Variants in LRRC69 observed in about 807,000 individuals in gnomAD.
LRRC69 encodes leucine-rich repeat-containing protein 69.
A neutral mutation model predicts 37.8 loss-of-function variants in LRRC69; 42 were observed. That is an observed-to-expected ratio of 1.11 (90% CI 0.87 to 1.44). The LOEUF (loss-of-function observed/expected upper bound fraction) is 1.44, where lower values mean the gene tolerates loss of function less well. Ranked by LOEUF, LRRC69 falls within the 40% of genes most tolerant of loss-of-function variation. The pLI is 0.00. For synonymous variants in LRRC69, 141 were observed against 143.1 expected (o/e 0.99, Z 0.11); for missense variants, 357 against 401.9 (o/e 0.89, Z 0.96).
At chr8:91,174,403 C>T (rs1318067740) in intron 5 of LRRC69, among the ~76,000 whole-genome samples, 4 of 152,124 alleles carry the variant, frequency 2.6e-5, no homozygotes, top group East Asian at 3.8e-4. Flanking sequence ...AAATTAAAGG[C>T]GCTATGCCTT....
intron 5 of LRRC69, among the ~76,000 whole-genome samples, chr8:91,151,549 G>C (rs917159581): frequency 1.3e-5 from 2 of 151,240 alleles, no homozygotes; most frequent in Non-Finnish European, 3.0e-5. Flanking sequence ...GTCATTGATG[G>C]GCATTTGGGT....
chr8:91,126,364 T>C (rs1813712743), intron 2 of LRRC69, among the ~76,000 whole-genome samples: 1 of 152,034 alleles, frequency 6.6e-6, no homozygotes, highest in African/African-American at 2.4e-5. Context: ...GGTTCATAAA[T>C]AAGTTGATTC....
At position 91,114,455 on chromosome 8, in the gene LRRC69, G is replaced by GTGTGTGTA. The variant is rs142337818; in HGVS notation, c.184-10037_184-10036insGTGTGTAT. ...AAAATGTTTGTGTATGTGTGTGTGT[G>GTGTGTGTA]TATATATATATGTATGTATGCACAT... On this transcript the variant is annotated intron_variant, in intron 1 of 7. Coordinates refer to ENST00000448384, the Ensembl canonical transcript of LRRC69. Among the ~76,000 whole-genome samples, 29 of 151,064 alleles carry GTGTGTGTA rather than the reference G, an allele frequency of 1.9e-4. 1 individual carries two copies. Among genetic ancestry groups the GTGTGTGTA allele is most frequent in the South Asian group, 6.2e-4 (3 of 4,810 alleles).
intron 7 of LRRC69, among the ~76,000 whole-genome samples, chr8:91,208,696 G>T (rs1212414981): frequency 2.6e-5 from 4 of 152,038 alleles, no homozygotes; most frequent in African/African-American, 9.7e-5. Flanking sequence ...CTTCCTTTCT[G>T]CCTATATTAT....
intron 7 of LRRC69, among the ~76,000 whole-genome samples, chr8:91,214,672 T>C (rs1259495600): frequency 6.6e-6 from 1 of 152,286 alleles, no homozygotes; most frequent in East Asian, 1.9e-4. Flanking sequence ...AGCATGAAAA[T>C]GCATTGATTC....
chr8:91,128,958 G>A (rs202228401), intron 3 of LRRC69, among the ~76,000 whole-genome samples: 3 of 152,020 alleles, frequency 2.0e-5, no homozygotes. Context: ...GGGACTCAGA[G>A]TGATCATGTC....
chr8:91,116,289 A>T (rs1268626101), intron 1 of LRRC69, among the ~76,000 whole-genome samples: 2 of 152,008 alleles, frequency 1.3e-5, no homozygotes, highest in African/African-American at 4.8e-5. Context: ...TCCTTAAGAC[A>T]ACCCTAAGAA....
chr8:91,166,492 G>GAAAAAAAAAAA (rs66705016), intron 5 of LRRC69, among the ~76,000 whole-genome samples: 24 of 95,254 alleles, frequency 2.5e-4, no homozygotes, highest in African/African-American at 9.7e-4. Context: ...AAAATAAACT[G>GAAAAAAAAAAA]AAAAAAAAAA....
At chr8:91,148,731 C>T (rs1403917950) in intron 5 of LRRC69, among the ~76,000 whole-genome samples, 1 of 151,994 alleles carries the variant, frequency 6.6e-6, no homozygotes, top group African/African-American at 2.4e-5. Flanking sequence ...TCTCCACATC[C>T]TCTCCAGCAC....
chr8:91,108,480 G>A (rs1813357472), intron 1 of LRRC69, among the ~76,000 whole-genome samples: 1 of 152,018 alleles, frequency 6.6e-6, no homozygotes, highest in African/African-American at 2.4e-5. Flanking sequence ...TGATGTAGGA[G>A]AATTGTGAAA....
At chr8:91,115,116 G>A (rs1241678011) in intron 1 of LRRC69, among the ~76,000 whole-genome samples, 1 of 151,982 alleles carries the variant, frequency 6.6e-6, no homozygotes, top group African/African-American at 2.4e-5. Context: ...GTTTTGGAGA[G>A]CTAATGCACA....
intron 1 of LRRC69, among the ~76,000 whole-genome samples, chr8:91,107,673 G>C (rs925342491): frequency 5.9e-5 from 9 of 151,906 alleles, no homozygotes; most frequent in African/African-American, 1.7e-4. Flanking sequence ...GGGGGTAGGG[G>C]TTCTTTAGTA....
At chr8:91,205,100 A>G (rs889336159) in intron 7 of LRRC69, among the ~76,000 whole-genome samples, 2 of 152,200 alleles carry the variant, frequency 1.3e-5, no homozygotes, top group Admixed American at 1.3e-4. Context: ...GAAAGATTGT[A>G]TTATTACTTT....
In LRRC69 at chr8:91,158,329, G is replaced by C. The variant is rs569823641; in HGVS notation, c.651+22590G>C. On this transcript the variant is annotated intron_variant, in intron 5 of 7. Coordinates refer to ENST00000448384, the Ensembl canonical transcript of LRRC69. ...GAAAGAAACTGGAATTTACCCTTCT[G>C]TTTCTAGTTTTTGATGAGAATGAAT... 5 of 1,474,098 alleles carry C rather than the reference G, an allele frequency of 3.4e-6. No homozygotes were observed. In the African/African-American group the frequency reaches 5.6e-5, roughly 16 times the overall value. 91.3% of individuals were successfully genotyped at this position (1,474,098 alleles called of 1,614,324 possible). A position where few individuals can be genotyped will look rare whatever the true frequency, so the allele number is the denominator to read the frequency against.
intron 1 of LRRC69, among the ~76,000 whole-genome samples, chr8:91,121,743 A>G (rs1304299134): frequency 6.6e-6 from 1 of 152,118 alleles, no homozygotes; most frequent in East Asian, 1.9e-4. Context: ...AAGATGTTAC[A>G]TGTCTTATGC....
chr8:91,210,852 T>A (rs1193669673), intron 7 of LRRC69, among the ~76,000 whole-genome samples: 1 of 151,690 alleles, frequency 6.6e-6, no homozygotes, highest in Non-Finnish European at 1.5e-5. Flanking sequence ...CAGAAAATGT[T>A]CAAATATTGA....
chr8:91,126,341 A>G (rs1475357364), intron 2 of LRRC69, among the ~76,000 whole-genome samples: 1 of 151,992 alleles, frequency 6.6e-6, no homozygotes, highest in East Asian at 1.9e-4. Context: ...CTGGTGGCCC[A>G]TGGGCTGAAG....
At chr8:91,171,097 T>A (rs1809120200) in intron 5 of LRRC69, among the ~76,000 whole-genome samples, 1 of 151,922 alleles carries the variant, frequency 6.6e-6, no homozygotes, top group South Asian at 2.1e-4. Context: ...TGTATATAAT[T>A]TTTTTAAAAT....
At chr8:91,146,822 A>G (rs1003699378) in intron 5 of LRRC69, among the ~76,000 whole-genome samples, 1 of 151,818 alleles carries the variant, frequency 6.6e-6, no homozygotes, top group African/African-American at 2.4e-5. Context: ...CCCTCCCTCC[A>G]TGTCCCAGGG....
Sources: gnomAD v4.1 joint callset for allele counts (sites outside exome capture counted in the v4.1 genomes callset) on GRCh38, gnomAD v4.1.1 for gene constraint, MANE v1.5 for transcripts, NCBI Gene and HGNC (gene_info 2026-07-23, HGNC 2026-07-21) for gene names.